Variants in DLG2 observed in about 807,000 individuals in gnomAD.
DLG2 encodes discs large MAGUK scaffold protein 2, also known as disks large homolog 2.
In DLG2, 45 loss-of-function variants were observed where a neutral mutation model predicts 132.5. That is an observed-to-expected ratio of 0.34 (90% CI 0.27 to 0.44). The LOEUF is 0.44. DLG2 is among the 20% of genes least tolerant of loss of function. The pLI is 1.00. For missense variants in DLG2, 1,045 were observed against 1,196.9 expected (o/e 0.87, Z 1.87); for synonymous variants, 424 against 419.6 (o/e 1.01, Z -0.13).
At chr11:84,187,864 G>T (rs1374472720) in intron 8 of DLG2, among the ~76,000 whole-genome samples, 5 of 151,998 alleles carry the variant, frequency 3.3e-5, no homozygotes, top group African/African-American at 1.2e-4. Context: ...TAAAAAATAG[G>T]AAGTGCTCAG....
chr11:83,772,560 AAG>A (rs1261546038), intron 18 of DLG2, among the ~76,000 whole-genome samples: 1 of 151,624 alleles, frequency 6.6e-6, no homozygotes, highest in Non-Finnish European at 1.5e-5. Context: ...AAGAAAGAGA[AAG>A]AAAGAAACAG....
At chr11:84,339,757 G>A (rs2098505464) in intron 7 of DLG2, among the ~76,000 whole-genome samples, 1 of 152,104 alleles carries the variant, frequency 6.6e-6, no homozygotes, top group Admixed American at 6.5e-5. Context: ...ATCCCCTTTA[G>A]AAAAGAGTCT....
intron 10 of DLG2, among the ~76,000 whole-genome samples, chr11:84,079,756 C>T (rs1363824701): frequency 6.6e-6 from 1 of 152,196 alleles, no homozygotes. Flanking sequence ...TACTATAGCA[C>T]CCAAGGCTCT....
At chr11:84,611,929 A>C (rs1440894912) in intron 6 of DLG2, among the ~76,000 whole-genome samples, 1 of 152,168 alleles carries the variant, frequency 6.6e-6, no homozygotes, top group Non-Finnish European at 1.5e-5. Context: ...AAAAAGATAC[A>C]TCATTTTTTA....
chr11:85,434,162 C>T (rs2091346425), intron 3 of DLG2, among the ~76,000 whole-genome samples: 1 of 152,148 alleles, frequency 6.6e-6, no homozygotes, highest in Non-Finnish European at 1.5e-5. Context: ...CTCTGGAACA[C>T]AGCTAAAGCT....
At chr11:85,037,605 C>A (rs773535934) in intron 6 of DLG2, among the ~76,000 whole-genome samples, 1 of 151,094 alleles carries the variant, frequency 6.6e-6, no homozygotes, top group Non-Finnish European at 1.5e-5. Flanking sequence ...AAAAATTAAC[C>A]TGAGTGTTAT....
chr11:85,324,427 G>T (rs1454596777), intron 3 of DLG2, among the ~76,000 whole-genome samples: 1 of 152,092 alleles, frequency 6.6e-6, no homozygotes, highest in Non-Finnish European at 1.5e-5. Flanking sequence ...ATGTTGAGTT[G>T]AATTTAACAC....
rs191845971 is a variant in DLG2, at chr11:85,273,743, T to G, written c.186+11477A>C. Among the ~76,000 whole-genome samples, 3 of 152,286 alleles carry G rather than the reference T, an allele frequency of 2.0e-5. No individual in the cohort carries two copies. The East Asian group carries it at 5.8e-4, about 29-fold the overall frequency. ...CTAGAAATACCATTTGACCCAACCA[T>G]CCCATTACTGGGTATATACCCAAAG... On this transcript the variant is annotated intron_variant, in intron 4 of 27. Transcript: ENST00000376104.
Position 83,696,328 on chromosome 11 carries a change from G to A in DLG2, c.1826-63003C>T, listed in dbSNP as rs79097823. ...GGCACAATCTCTTAACGTGACCTTA[G>A]ATAAGCTCTTCCTTTTCTGGACCCT... On this transcript the variant is annotated intron_variant, in intron 18 of 27. Coordinates refer to ENST00000376104, the MANE Select transcript of DLG2 (RefSeq NM_001142699.3). 1.6e-4 allele frequency among the ~76,000 whole-genome samples: 24 copies of A among 152,312 alleles called. No homozygotes were observed. In the East Asian group the frequency reaches 4.0e-3, roughly 26 times the overall value.
chr11:85,261,543 T>C (rs1035445727), intron 4 of DLG2, among the ~76,000 whole-genome samples: 4 of 152,016 alleles, frequency 2.6e-5, no homozygotes, highest in East Asian at 1.9e-4. Context: ...TTGTCCTGGA[T>C]TGTGGGAATT....
chr11:84,029,553 T>A (rs1316388717), intron 11 of DLG2, among the ~76,000 whole-genome samples: 1 of 152,110 alleles, frequency 6.6e-6, no homozygotes, highest in Non-Finnish European at 1.5e-5. Context: ...GGATGAGCTT[T>A]ACCGATGAAA....
At chr11:83,858,736 C>T (rs1475172599) in intron 16 of DLG2, among the ~76,000 whole-genome samples, 1 of 152,184 alleles carries the variant, frequency 6.6e-6, no homozygotes, top group African/African-American at 2.4e-5. Context: ...TCTGCAAAAA[C>T]CCCATGCACT....
At chr11:85,029,831 A>C (rs3844142) in intron 6 of DLG2, among the ~76,000 whole-genome samples, 80,591 of 152,046 alleles carry the variant, frequency 0.53, 21,814 homozygotes, top group East Asian at 0.67. Flanking sequence ...TCAGCCTCCC[A>C]TGTAGGTGGG....
rs547634024 is a variant in DLG2 at position 84,963,656 on chromosome 11, T to C, written c.357+148005A>G. On this transcript the variant is annotated intron_variant, in intron 6 of 27. Coordinates refer to ENST00000376104, the MANE Select transcript of DLG2 (RefSeq NM_001142699.3). The stretch of plus-strand genomic sequence containing the variant: ...ATCTCCTTGGAGATATATATTCAGA[T>C]GATTCATATGAAGGCATGCTGCACA... 2.6e-5 allele frequency among the ~76,000 whole-genome samples: 4 copies of C among 152,286 alleles called. No homozygotes were observed. In the South Asian group the frequency reaches 8.3e-4, roughly 32 times the overall value.
At chr11:85,018,046 G>T (rs1359525867) in intron 6 of DLG2, among the ~76,000 whole-genome samples, 1 of 152,146 alleles carries the variant, frequency 6.6e-6, no homozygotes, top group African/African-American at 2.4e-5. Context: ...AGATGCAGAT[G>T]ATTAATCACA....
chr11:83,671,899 T>A (rs1432527363), intron 18 of DLG2, among the ~76,000 whole-genome samples: 1 of 152,206 alleles, frequency 6.6e-6, no homozygotes, highest in East Asian at 1.9e-4. Context: ...ACCATTTATG[T>A]TTTGTTTGAA....
intron 17 of DLG2, among the ~76,000 whole-genome samples, chr11:83,812,357 T>C (rs1227703473): frequency 1.3e-5 from 2 of 151,792 alleles, no homozygotes; most frequent in Admixed American, 1.3e-4. Flanking sequence ...TATTTGTCCA[T>C]CTGATATGGC....
chr11:83,520,758 T>G (rs1224910262), intron 21 of DLG2, among the ~76,000 whole-genome samples: 1 of 144,840 alleles, frequency 6.9e-6, no homozygotes, highest in Non-Finnish European at 1.5e-5. Context: ...CACATGGATG[T>G]TTTTCTTGAG....
At chr11:85,104,844 G>T (rs2071438548) in intron 6 of DLG2, among the ~76,000 whole-genome samples, 1 of 114,234 alleles carries the variant, frequency 8.8e-6, no homozygotes. Context: ...TATTCATTCT[G>T]TGTTCTATTA....
Sources: gnomAD v4.1 joint callset for allele counts (sites outside exome capture counted in the v4.1 genomes callset) on GRCh38, gnomAD v4.1.1 for gene constraint, MANE v1.5 for transcripts, NCBI Gene and HGNC (gene_info 2026-07-23, HGNC 2026-07-21) for gene names.